Variants in SLC24A2 observed in about 807,000 individuals in gnomAD.
SLC24A2 encodes sodium/potassium/calcium exchanger 2.
In SLC24A2, 36 loss-of-function variants were observed where a neutral mutation model predicts 62.0. The observed-to-expected ratio is 0.58, with a 90% CI of 0.44 to 0.77. The LOEUF is 0.77. SLC24A2 is among the 30% of genes least tolerant of loss of function. SLC24A2 has a pLI of 0.00. For missense variants in SLC24A2, 846 were observed against 817.9 expected (o/e 1.03, Z -0.42); for synonymous variants, 358 against 294.0 (o/e 1.22, Z -2.23).
At chr9:19,718,389 C>G (rs994698057) in intron 2 of SLC24A2, among the ~76,000 whole-genome samples, 11 of 143,928 alleles carry the variant, frequency 7.6e-5, no homozygotes, top group African/African-American at 2.3e-4. Flanking sequence ...GCCTCCCAGG[C>G]TCCAGCCATT....
chr9:20,109,389 T>C, the SLC24A2 span, among the ~76,000 whole-genome samples: 2 of 152,352 alleles, frequency 1.3e-5, no homozygotes, highest in East Asian at 3.9e-4. Flanking sequence ...TTCAGGAATG[T>C]TTCCACGACC....
chr9:19,587,044 C>G (rs1836396305), intron 5 of SLC24A2, among the ~76,000 whole-genome samples: 1 of 152,140 alleles, frequency 6.6e-6, no homozygotes, highest in African/African-American at 2.4e-5. Context: ...ACCCAACTAC[C>G]TCCTAATGGG....
chr9:19,519,679 T>C (rs1293991944), intron 10 of SLC24A2, among the ~76,000 whole-genome samples: 2 of 152,156 alleles, frequency 1.3e-5, no homozygotes, highest in African/African-American at 4.8e-5. Context: ...CAGGCAGATA[T>C]ACCAGGACAA....
At chr9:20,030,528 ATC>A in the SLC24A2 span, among the ~76,000 whole-genome samples, 1 of 152,194 alleles carries the variant, frequency 6.6e-6, no homozygotes, top group Non-Finnish European at 1.5e-5. Context: ...TGAGCCAGTC[ATC>A]TGGTCACTCA....
chr9:19,777,697 G>C (rs572238828), intron 2 of SLC24A2, among the ~76,000 whole-genome samples: 1 of 152,104 alleles, frequency 6.6e-6, no homozygotes, highest in East Asian at 1.9e-4. Flanking sequence ...AAATACATAG[G>C]TGTGTATATA....
the SLC24A2 span, among the ~76,000 whole-genome samples, chr9:19,842,540 T>G: frequency 6.6e-6 from 1 of 152,214 alleles, no homozygotes. Context: ...GAATGGCTAC[T>G]CTCACAATTC....
At chr9:19,734,952 A>G (rs547378811) in intron 2 of SLC24A2, among the ~76,000 whole-genome samples, 32 of 152,242 alleles carry the variant, frequency 2.1e-4, no homozygotes, top group Admixed American at 2.1e-3. Context: ...AGGCATGGGC[A>G]AGGACTTCAT....
the SLC24A2 span, among the ~76,000 whole-genome samples, chr9:19,995,000 AGTAG>A: frequency 1.3e-5 from 2 of 152,112 alleles, no homozygotes; most frequent in East Asian, 3.9e-4. Flanking sequence ...ATTGAATTTC[AGTAG>A]GAGGAAATGC....
chr9:19,945,686 G>A, the SLC24A2 span, among the ~76,000 whole-genome samples: 43 of 152,084 alleles, frequency 2.8e-4, 1 homozygote, highest in East Asian at 8.1e-3. Context: ...TACAGATGAA[G>A]AATTGGAGAC....
chr9:20,017,167 T>G, the SLC24A2 span, among the ~76,000 whole-genome samples: 1 of 152,006 alleles, frequency 6.6e-6, no homozygotes, highest in South Asian at 2.1e-4. Context: ...GGATTACAGG[T>G]GTGCACCACC....
the SLC24A2 span, among the ~76,000 whole-genome samples, chr9:20,150,399 A>G: frequency 1.3e-5 from 2 of 152,002 alleles, no homozygotes; most frequent in Non-Finnish European, 2.9e-5. Flanking sequence ...GTGACCTATC[A>G]AGAAAACTAT....
chr9:20,231,164 G>A, the SLC24A2 span, among the ~76,000 whole-genome samples: 1 of 152,252 alleles, frequency 6.6e-6, no homozygotes, highest in African/African-American at 2.4e-5. Flanking sequence ...AAGTCAGGTA[G>A]CGTGATGCCT....
intron 2 of SLC24A2, among the ~76,000 whole-genome samples, chr9:19,716,507 C>G (rs892465368): frequency 1.3e-5 from 2 of 152,240 alleles, no homozygotes; most frequent in African/African-American, 4.8e-5. Context: ...CAGTGACATT[C>G]TCCTGTGATC....
the SLC24A2 span, among the ~76,000 whole-genome samples, chr9:20,258,817 T>TTATC: frequency 2.9e-5 from 3 of 104,802 alleles, no homozygotes; most frequent in African/African-American, 1.0e-4. Context: ...TCTATCTACC[T>TTATC]TATCTATCTA....
the SLC24A2 span, among the ~76,000 whole-genome samples, chr9:20,189,617 A>C: frequency 1.3e-5 from 2 of 152,176 alleles, no homozygotes; most frequent in Admixed American, 1.3e-4. Flanking sequence ...AGATCTCATT[A>C]AAAGTGGAGC....
chr9:19,524,993 G>C (rs1217945979), intron 9 of SLC24A2, among the ~76,000 whole-genome samples: 1 of 152,136 alleles, frequency 6.6e-6, no homozygotes, highest in Non-Finnish European at 1.5e-5. Context: ...ACTATTATAT[G>C]TTATAAATGG....
the SLC24A2 span, among the ~76,000 whole-genome samples, chr9:19,853,792 T>G: frequency 6.6e-6 from 1 of 152,208 alleles, no homozygotes; most frequent in African/African-American, 2.4e-5. Flanking sequence ...TCTGCCAGGT[T>G]TTGGTATCAG....
chr9:20,117,809 A>G, the SLC24A2 span, among the ~76,000 whole-genome samples: 3 of 152,178 alleles, frequency 2.0e-5, no homozygotes, highest in Non-Finnish European at 1.5e-5. Context: ...TGAGCATTAT[A>G]CATGAATTAC....
intron 2 of SLC24A2, among the ~76,000 whole-genome samples, chr9:19,625,002 A>G (rs1817998532): frequency 6.6e-6 from 1 of 152,190 alleles, no homozygotes; most frequent in Non-Finnish European, 1.5e-5. Flanking sequence ...CAAAGAAATG[A>G]TTTTAATGTG....
Sources: gnomAD v4.1 joint callset for allele counts (sites outside exome capture counted in the v4.1 genomes callset) on GRCh38, gnomAD v4.1.1 for gene constraint, MANE v1.5 for transcripts, NCBI Gene and HGNC (gene_info 2026-07-23, HGNC 2026-07-21) for gene names.